Variants in ROR2 observed in about 807,000 individuals in gnomAD.
ROR2 encodes ROR family WNT receptor 2, also known as tyrosine-protein kinase transmembrane receptor ROR2.
A neutral mutation model predicts 74.9 loss-of-function variants in ROR2; 33 were observed. The observed-to-expected ratio is 0.44, with a 90% CI of 0.33 to 0.59. ROR2 has a LOEUF of 0.59. Among genes scored for constraint, ROR2 ranks in the 20% least tolerant of loss-of-function variants. ROR2 has a pLI of 0.02. For synonymous variants in ROR2, 586 were observed against 558.7 expected, an observed-to-expected ratio of 1.05 and a Z score of -0.69; for missense variants, 1,216 against 1,313.8, an observed-to-expected ratio of 0.93 and a Z score of 1.15.
At position 91,733,099 on chromosome 9, in the gene ROR2, GCCCCGGGCCCT is replaced by G. The variant is rs1837304793; in HGVS notation, c.937+12_937+22del. On this transcript the variant is annotated intron_variant, in intron 6 of 8. Coordinates refer to ENST00000375708, the MANE Select transcript of ROR2 (RefSeq NM_004560.4). This position sits in a 1 kb window ranked among gnomAD's most constrained non-coding sequence, Gnocchi z 5.7. ...TACACTCCCTGCGCCCCCCGGTCCCGCCCCGGGCCCTCGGGCACTCACAGCGGCCCAGCCTC... is the reference window on the plus strand; with the variant it reads ...TACACTCCCTGCGCCCCCCGGTCCCGCGGGCACTCACAGCGGCCCAGCCTC... 1 of 1,568,432 alleles carries G rather than the reference GCCCCGGGCCCT, an allele frequency of 6.4e-7. No homozygotes were observed. The highest frequency in any genetic ancestry group is 1.3e-5 in the African/African-American group (1 of 74,384).
intron 4 of ROR2, among the ~76,000 whole-genome samples, chr9:91,750,020 G>A (rs376860152): frequency 6.6e-6 from 1 of 152,054 alleles, no homozygotes; most frequent in Non-Finnish European, 1.5e-5. Context: ...TCCTGTCTCC[G>A]CCTCCCAAGT....
chr9:91,895,656 C>A lies in ROR2; in HGVS notation c.97+54211G>T, dbSNP rs1830518228. Among the ~76,000 whole-genome samples the A allele has an allele frequency of 2.0e-5, 3 of 152,268 alleles. No individual in the cohort carries two copies. The South Asian group carries it at 6.2e-4, about 32-fold the overall frequency. ...GTCAGGAGTTCAAGACCAGCCTGGC[C>A]AACATGGTGAAACCCCATCTCTACT... On this transcript the variant is annotated intron_variant, in intron 1 of 8. Transcript: ENST00000375708.
At chr9:91,788,430 A>C (rs890981795) in intron 1 of ROR2, among the ~76,000 whole-genome samples, 1 of 152,218 alleles carries the variant, frequency 6.6e-6, no homozygotes, top group African/African-American at 2.4e-5. Flanking sequence ...TGAAAGACAG[A>C]ATCTTGAAAG....
chr9:91,831,275 A>C (rs1563987689), intron 1 of ROR2, among the ~76,000 whole-genome samples: 6 of 151,074 alleles, frequency 4.0e-5, no homozygotes, highest in Admixed American at 2.6e-4. Context: ...AAAAACAAAA[A>C]AAAAAAATTG....
chr9:91,885,311 T>TGG (rs1222166782), intron 1 of ROR2, among the ~76,000 whole-genome samples: 1 of 144,842 alleles, frequency 6.9e-6, no homozygotes, highest in African/African-American at 2.6e-5. Flanking sequence ...CTTTGGGGGT[T>TGG]GGGGGGCGGT....
At chr9:91,884,189 C>T (rs1302702816) in intron 1 of ROR2, among the ~76,000 whole-genome samples, 1 of 152,196 alleles carries the variant, frequency 6.6e-6, no homozygotes, top group African/African-American at 2.4e-5. Context: ...TCAGTTTGAC[C>T]TGTCCCTCAT....
intron 1 of ROR2, among the ~76,000 whole-genome samples, chr9:91,910,720 G>C (rs1398690077): frequency 2.0e-5 from 3 of 151,650 alleles, no homozygotes; most frequent in African/African-American, 7.3e-5. Context: ...CTAGAGTACA[G>C]TGGCCTGATT....
intron 1 of ROR2, among the ~76,000 whole-genome samples, chr9:91,801,931 A>G (rs996837887): frequency 6.6e-6 from 1 of 152,332 alleles, no homozygotes; most frequent in African/African-American, 2.4e-5. Flanking sequence ...GCAGGTTCTC[A>G]GCGTCTGGGC....
chr9:91,829,372 G>A (rs60645442), intron 1 of ROR2, among the ~76,000 whole-genome samples: 208 of 151,912 alleles, frequency 1.4e-3, no homozygotes, highest in African/African-American at 4.9e-3. Context: ...GTGAAACCCC[G>A]TCTCTACTAA....
rs566748796 is a variant in ROR2 at position 91,882,441 on chromosome 9, A to T, written c.97+67426T>A. Among the ~76,000 whole-genome samples, 16 of 151,976 alleles carry T rather than the reference A, an allele frequency of 1.1e-4. No individual in the cohort carries two copies. In the South Asian group the frequency reaches 3.3e-3, roughly 32 times the overall value. On this transcript the variant is annotated intron_variant, in intron 1 of 8. Transcript: ENST00000375708. ...AAAAAAAAAAACTAGCCCATGACCA[A>T]GACAATCCACTCCCCATGAGAGCTG...
chr9:91,877,310 AC>A (rs1370165049), intron 1 of ROR2, among the ~76,000 whole-genome samples: 2 of 152,178 alleles, frequency 1.3e-5, no homozygotes, highest in African/African-American at 4.8e-5. Flanking sequence ...TTTCATCCAT[AC>A]TTCCTGAAAG....
At chr9:91,926,538 C>A in intron 1 of ROR2, among the ~76,000 whole-genome samples, 1 of 85,316 alleles carries the variant, frequency 1.2e-5, no homozygotes, top group African/African-American at 3.8e-5. Context: ...AGAATGACTC[C>A]ATCTCAAAAA....
intron 2 of ROR2, among the ~76,000 whole-genome samples, chr9:91,775,197 A>G (rs1027888106): frequency 3.3e-5 from 5 of 152,194 alleles, no homozygotes; most frequent in African/African-American, 4.8e-5. Context: ...ATCTGTGGCT[A>G]TGGGGTAACA....
chr9:91,839,273 T>TGTGTGTGTGTGTGTAAGTACAGGC (rs1828709488), intron 1 of ROR2, among the ~76,000 whole-genome samples: 1 of 130,678 alleles, frequency 7.7e-6, no homozygotes, highest in African/African-American at 3.5e-5. Flanking sequence ...TGTGTGTGTG[T>TGTGTGTGTGTGTGTAAGTACAGGC]GTGTGTGTGT....
In ROR2 at chr9:91,925,114, A is replaced by T. The variant is rs368627543; in HGVS notation, c.97+24753T>A. 7.9e-5 allele frequency among the ~76,000 whole-genome samples: 12 copies of T among 152,030 alleles called. 1 individual carries two copies. In the East Asian group the frequency reaches 1.2e-3, roughly 15 times the overall value. Reference sequence around the variant, plus strand: ...AATCCTCCCATCTTGGCCTCCCCCAAAGTGCTGAGATTACAGGTGTGAACC... The same window carrying T: ...AATCCTCCCATCTTGGCCTCCCCCATAGTGCTGAGATTACAGGTGTGAACC... On this transcript the variant is annotated intron_variant, in intron 1 of 8. Coordinates refer to ENST00000375708, the MANE Select transcript of ROR2 (RefSeq NM_004560.4).
intron 1 of ROR2, among the ~76,000 whole-genome samples, chr9:91,908,636 A>T (rs1334270138): frequency 1.3e-5 from 2 of 152,224 alleles, no homozygotes; most frequent in Non-Finnish European, 2.9e-5. Flanking sequence ...AGTCTCAAAG[A>T]AATAAGTTTA....
At chr9:91,790,702 G>A (rs1245747415) in intron 1 of ROR2, among the ~76,000 whole-genome samples, 2 of 152,146 alleles carry the variant, frequency 1.3e-5, no homozygotes, top group African/African-American at 4.8e-5. Context: ...TCCAGGAGAA[G>A]GCATTATTAT....
rs565140641 is a variant in ROR2, at chr9:91,766,312, G to A, written c.176-8753C>T. On this transcript the variant is annotated intron_variant, in intron 2 of 8. Transcript: ENST00000375708. ...TGGGCTGTTCTCCAAAGCTGCAAAC[G>A]TAGTGGGCTACCTCAAGTGGCTTCT... 1.7e-3 allele frequency among the ~76,000 whole-genome samples: 252 copies of A among 152,334 alleles called. 1 individual carries two copies. The highest frequency in any genetic ancestry group is 5.9e-3 in the African/African-American group (244 of 41,588).
At chr9:91,748,610 C>T (rs546981790) in intron 4 of ROR2, among the ~76,000 whole-genome samples, 2 of 152,310 alleles carry the variant, frequency 1.3e-5, no homozygotes, top group Non-Finnish European at 2.9e-5. Flanking sequence ...ACCACTAGCA[C>T]ACAATTTAAA....
Sources: gnomAD v4.1 joint callset for allele counts (sites outside exome capture counted in the v4.1 genomes callset) on GRCh38, gnomAD v4.1.1 for gene constraint, Gnocchi (gnomAD v3.1) non-coding constraint, MANE v1.5 for transcripts, NCBI Gene and HGNC (gene_info 2026-07-23, HGNC 2026-07-21) for gene names.